The following SIRPG variants were observed in gnomAD, a reference collection of about 807,000 sequenced individuals.
SIRPG encodes signal regulatory protein gamma, also known as signal-regulatory protein gamma.
SIRPG carries 38 observed loss-of-function variants against 35.7 expected under a neutral mutation model. That is an observed-to-expected ratio of 1.06 (90% CI 0.82 to 1.40). The LOEUF (loss-of-function observed/expected upper bound fraction) is 1.40. Among genes scored for constraint, SIRPG ranks in the 40% most tolerant of loss-of-function variants. The probability of loss-of-function intolerance (pLI) is 0.00; values close to 1 mark genes in which losing one functional copy is unlikely to be tolerated. For synonymous variants in SIRPG, 215 were observed against 190.4 expected (o/e 1.13, Z -1.06); for missense variants, 519 against 483.0 (o/e 1.07, Z -0.70).
the SIRPG span, among the ~76,000 whole-genome samples, chr20:1,669,043 G>A: frequency 6.6e-6 from 1 of 152,172 alleles, no homozygotes; most frequent in Non-Finnish European, 1.5e-5. Flanking sequence ...GACCCCTCCT[G>A]GTATTGTATG....
At chr20:1,670,621 A>C in the SIRPG span, among the ~76,000 whole-genome samples, 3 of 152,282 alleles carry the variant, frequency 2.0e-5, no homozygotes, top group South Asian at 6.2e-4. Flanking sequence ...GAAACTATCT[A>C]GCATAGAGCT....
intron 4 of SIRPG, 132 bp downstream of exon 4, chr20:1,635,135 T>G: frequency 6.0e-6 from 4 of 667,520 alleles, no homozygotes; most frequent in South Asian, 2.1e-5. Context: ...GCATGTGGGA[T>G]TTGGGGGGAT....
At chr20:1,675,574 G>C in the SIRPG span, among the ~76,000 whole-genome samples, 1 of 152,150 alleles carries the variant, frequency 6.6e-6, no homozygotes, top group Non-Finnish European at 1.5e-5. Context: ...TGTGAGTCAG[G>C]CTGGGTTGGG....
upstream of SIRPG, chr20:1,657,870 C>T (rs1269476402): frequency 6.3e-6 from 4 of 630,228 alleles, no homozygotes; most frequent in East Asian, 1.2e-4. Flanking sequence ...TTGTGACTTA[C>T]AAATCAGGCA....
chr20:1,645,608 AT>A (rs1368362143), intron 2 of SIRPG, among the ~76,000 whole-genome samples: 3 of 152,158 alleles, frequency 2.0e-5, no homozygotes, highest in African/African-American at 7.2e-5. Flanking sequence ...ATGTTACACG[AT>A]TTAACTCCTT....
chr20:1,633,067 G>T (rs893731387), intron 4 of SIRPG, among the ~76,000 whole-genome samples: 2 of 152,056 alleles, frequency 1.3e-5, no homozygotes, highest in Non-Finnish European at 2.9e-5. Context: ...AGGGGATATC[G>T]CCATAACCCT....
At chr20:1,640,107 T>C (rs2091840464) in intron 2 of SIRPG, among the ~76,000 whole-genome samples, 1 of 152,084 alleles carries the variant, frequency 6.6e-6, no homozygotes, top group Non-Finnish European at 1.5e-5. Flanking sequence ...TATACGGGCT[T>C]TTTTTTGGTT....
At chr20:1,657,848 C>T, upstream of SIRPG, 1 of 742,602 alleles carries the variant, frequency 1.3e-6, no homozygotes, top group South Asian at 2.0e-5. Flanking sequence ...GCAACAGTAA[C>T]CTGCTTCTAG....
At chr20:1,668,198 CT>C in the SIRPG span, among the ~76,000 whole-genome samples, 1,855 of 21,094 alleles carry the variant, frequency 0.088, 24 homozygotes, top group East Asian at 0.26. Context: ...TTTTTCTTTT[CT>C]TTTCTTTCTT....
At chr20:1,679,512 T>C in the SIRPG span, among the ~76,000 whole-genome samples, 3 of 151,962 alleles carry the variant, frequency 2.0e-5, no homozygotes, top group African/African-American at 7.3e-5. Context: ...TTGCCTGGGG[T>C]TCCAATCTGT....
chr20:1,683,422 G>C, the SIRPG span, among the ~76,000 whole-genome samples: 1 of 152,288 alleles, frequency 6.6e-6, no homozygotes, highest in East Asian at 1.9e-4. Flanking sequence ...AGTAACATCA[G>C]CATGTCACAG....
upstream of SIRPG, among the ~76,000 whole-genome samples, chr20:1,661,957 A>G (rs773382426): frequency 1.3e-5 from 2 of 152,222 alleles, no homozygotes; most frequent in Non-Finnish European, 2.9e-5. Flanking sequence ...TTGCAATTTC[A>G]GAGACCATAA....
At chr20:1,646,559 C>T (rs2091898978) in intron 2 of SIRPG, 2 of 152,288 alleles carry the variant, frequency 1.3e-5, no homozygotes, top group Non-Finnish European at 2.9e-5. Context: ...TAGAAACAGG[C>T]TTGACATATA....
At chr20:1,635,027 A>G (rs6043406) in intron 4 of SIRPG, among the ~76,000 whole-genome samples, 1 of 149,338 alleles carries the variant, frequency 6.7e-6, no homozygotes, top group Non-Finnish European at 1.5e-5. Context: ...TGGGCGACAG[A>G]GCCAGACTCC....
At chr20:1,652,992 T>C (rs1325336795) in intron 1 of SIRPG, among the ~76,000 whole-genome samples, 1 of 152,240 alleles carries the variant, frequency 6.6e-6, no homozygotes, top group Non-Finnish European at 1.5e-5. Context: ...TTAGGTGGTT[T>C]GCTCCTGTGG....
the SIRPG span, among the ~76,000 whole-genome samples, chr20:1,666,028 G>A: frequency 6.6e-6 from 1 of 152,006 alleles, no homozygotes; most frequent in Non-Finnish European, 1.5e-5. Context: ...GGGACAAGAT[G>A]CGAAGGTGGA....
intron 2 of SIRPG, among the ~76,000 whole-genome samples, chr20:1,642,107 T>C (rs370793475): frequency 6.6e-6 from 1 of 152,216 alleles, no homozygotes; most frequent in African/African-American, 2.4e-5. Flanking sequence ...GTCTATTAGG[T>C]CCACTTGATC....
At chr20:1,668,184 TTTCTTTTTC>T in the SIRPG span, among the ~76,000 whole-genome samples, 1 of 67,008 alleles carries the variant, frequency 1.5e-5, no homozygotes, top group South Asian at 7.5e-4. Flanking sequence ...TCTTTCTTTC[TTTCTTTTTC>T]TTTTCTTTTC....
chr20:1,666,124 A>G, the SIRPG span, among the ~76,000 whole-genome samples: 2 of 144,100 alleles, frequency 1.4e-5, no homozygotes, highest in African/African-American at 2.4e-5. Context: ...CAGTTTAAAA[A>G]AGAAAAAAAA....
Sources: allele counts gnomAD v4.1 joint callset (sites outside exome capture counted in the v4.1 genomes callset), GRCh38; gene constraint gnomAD v4.1.1; transcripts MANE v1.5; gene names NCBI Gene and HGNC (gene_info 2026-07-23, HGNC 2026-07-21).